The following UBE3A variants were observed in gnomAD, a reference collection of about 807,000 sequenced individuals.
The protein encoded by UBE3A is ubiquitin-protein ligase E3A.
UBE3A carries 6 observed loss-of-function variants against 83.4 expected under a neutral mutation model. The ratio of observed to expected loss-of-function variants is 0.07; its 90% CI spans 0.04 to 0.14. The LOEUF (loss-of-function observed/expected upper bound fraction) is 0.14, where lower values mean the gene tolerates loss of function less well. Among genes scored for constraint, UBE3A ranks in the 10% least tolerant of loss-of-function variants. The probability of loss-of-function intolerance (pLI) is 1.00; values close to 1 mark genes in which losing one functional copy is unlikely to be tolerated. For synonymous variants in UBE3A, 337 were observed against 355.4 expected, an observed-to-expected ratio of 0.95 and a Z score of 0.58; for missense variants, 456 against 1,036.1, an observed-to-expected ratio of 0.44 and a Z score of 7.69.
At chr15:25,437,755 G>C (rs928267325) in intron 1 of UBE3A, among the ~76,000 whole-genome samples, 1 of 152,062 alleles carries the variant, frequency 6.6e-6, no homozygotes, top group Non-Finnish European at 1.5e-5. Flanking sequence ...AAATTTTACG[G>C]ACTAAGGCAT....
intron 1 of UBE3A, among the ~76,000 whole-genome samples, chr15:25,436,062 G>C (rs1250619553): frequency 6.6e-6 from 1 of 152,126 alleles, no homozygotes; most frequent in Non-Finnish European, 1.5e-5. Flanking sequence ...AATAAGGCCA[G>C]AATTAAAATT....
At chr15:25,357,019 T>C in intron 7 of UBE3A, 123 bp from the exon 8 acceptor site, 1 of 802,554 alleles carries the variant, frequency 1.2e-6, no homozygotes. Flanking sequence ...TAATTAGGCA[T>C]GCAACATTGA....
intron 11 of UBE3A, chr15:25,354,084 A>C (rs549926384): frequency 7.6e-6 from 4 of 523,432 alleles, no homozygotes; most frequent in Non-Finnish European, 1.4e-5. Context: ...CAGTAAGCAT[A>C]CTCTAACCAG....
At chr15:25,436,969 C>G (rs188678260) in intron 1 of UBE3A, among the ~76,000 whole-genome samples, 14 of 152,286 alleles carry the variant, frequency 9.2e-5, no homozygotes, top group Admixed American at 5.2e-4. Context: ...AGTTTACATT[C>G]TAATTTTGTA....
chr15:25,404,064 A>T lies in UBE3A; in HGVS notation c.62+1397T>A, dbSNP rs190496135. Among the ~76,000 whole-genome samples the T allele has an allele frequency of 1.4e-4, 22 of 152,336 alleles. No individual in the cohort carries two copies. The East Asian group carries it at 3.9e-3, about 27-fold the overall frequency. On this transcript the variant is annotated intron_variant, in intron 4 of 12. Transcript: ENST00000648336. ...CTTAATACCATTGAGCCAAATACTT[A>T]AAAATGGTGAAATGGAAAATTTTAC...
intron 1 of UBE3A, among the ~76,000 whole-genome samples, chr15:25,424,030 T>C (rs1890598487): frequency 1.3e-5 from 2 of 152,198 alleles, no homozygotes; most frequent in Non-Finnish European, 2.9e-5. Flanking sequence ...TTTCAGTCTA[T>C]GATTAACACA....
rs772952625 is a variant in UBE3A at position 25,375,548 on chromosome 15, T to G, written c.278A>C (p.Tyr93Ser). 1 of 1,614,176 alleles carries G rather than the reference T, an allele frequency of 6.2e-7. No individual in the cohort carries two copies. The highest frequency in any genetic ancestry group is 1.3e-5 in the African/African-American group (1 of 75,040). Residue 93 changes from tyrosine (Y) to serine (S), a missense_variant, in exon 5 of 13, where the codon TAC becomes TCC. This residue lies in a region of UBE3A where 36 missense variants were observed against 28.5 expected (regional missense o/e 1.26). Coordinates refer to ENST00000648336, the MANE Select transcript of UBE3A (RefSeq NM_130839.5). ...GGGGGCACCTTTCGAGTTCTCAAGG[T>G]AAGCTGAGCTTGCTCCTTTCTTGGA... ...HPSKKGASSA[Y>S]LENSKGAPNN... is the part of the protein sequence containing the mutation.
intron 4 of UBE3A, among the ~76,000 whole-genome samples, chr15:25,398,771 T>TATATATATATA (rs2086218460): frequency 5.8e-5 from 4 of 68,952 alleles, no homozygotes; most frequent in African/African-American, 1.3e-4. Context: ...ATTCTTTTAT[T>TATATATATATA]TATATATATA....
At chr15:25,410,504 T>C (rs1320857566) in intron 2 of UBE3A, among the ~76,000 whole-genome samples, 2 of 152,260 alleles carry the variant, frequency 1.3e-5, no homozygotes, top group Middle Eastern at 3.4e-3. Flanking sequence ...ATGAGGAAAT[T>C]AGGAGGAAGA....
At chr15:25,356,944 G>A in intron 7 of UBE3A, 48 bp from the exon 8 acceptor site, 1 of 1,452,518 alleles carries the variant, frequency 6.9e-7, no homozygotes, top group Non-Finnish European at 9.6e-7. Flanking sequence ...ATTTTATTAA[G>A]GACTGATGAA....
intron 2 of UBE3A, among the ~76,000 whole-genome samples, chr15:25,410,690 T>G (rs2089810240): frequency 6.6e-6 from 1 of 152,218 alleles, no homozygotes; most frequent in Non-Finnish European, 1.5e-5. Flanking sequence ...AAAATCCAGA[T>G]TAGGTGAGGA....
At chr15:25,363,473 A>C (rs1009334160) in intron 6 of UBE3A, among the ~76,000 whole-genome samples, 5 of 152,214 alleles carry the variant, frequency 3.3e-5, no homozygotes, top group Admixed American at 2.6e-4. Flanking sequence ...ATAGCAACTA[A>C]TTTAATCTTC....
intron 3 of UBE3A, chr15:25,405,744 T>C (rs1596252543): frequency 3.7e-6 from 2 of 536,386 alleles, no homozygotes; most frequent in Admixed American, 6.5e-5. Flanking sequence ...CTGTAAACGC[T>C]ATACATAGAT....
chr15:25,378,987 G>C lies in UBE3A; in HGVS notation c.63-3224C>G, dbSNP rs1463803841. ...GGGGAATAAACCTTAACAGTTAAGA[G>C]CTCGCATTCTGAGGCCAGATGCCCA... is the stretch of plus-strand genomic sequence containing the variant. On this transcript the variant is annotated intron_variant, in intron 4 of 12. Transcript: ENST00000648336. Among the ~76,000 whole-genome samples the C allele has an allele frequency of 2.0e-5, 3 of 152,158 alleles. No individual in the cohort carries two copies. The East Asian group carries it at 5.8e-4, about 29-fold the overall frequency.
chr15:25,394,912 G>A (rs770610360), intron 4 of UBE3A, among the ~76,000 whole-genome samples: 2 of 152,124 alleles, frequency 1.3e-5, no homozygotes, highest in African/African-American at 4.8e-5. Context: ...TGGTAAAGAA[G>A]CAAAACAACA....
intron 4 of UBE3A, among the ~76,000 whole-genome samples, chr15:25,387,839 C>T (rs1200800303): frequency 6.6e-6 from 1 of 152,106 alleles, no homozygotes; most frequent in Non-Finnish European, 1.5e-5. Flanking sequence ...ATATTATGAA[C>T]AACTTTACGG....
In UBE3A at chr15:25,410,385, T is replaced by C. The variant is rs1477919775; in HGVS notation, c.-100-1178A>G. The stretch of plus-strand genomic sequence containing the variant: ...ACTGACACTGTAGTTCTGGCAAAGA[T>C]ACCATACATCTGAAATATCCCAGTA... On this transcript the variant is annotated intron_variant, in intron 2 of 12. Coordinates refer to ENST00000648336, the MANE Select transcript of UBE3A (RefSeq NM_130839.5). Among the ~76,000 whole-genome samples the C allele has an allele frequency of 2.0e-5, 3 of 152,188 alleles. No homozygotes were observed. In the East Asian group the frequency reaches 5.8e-4, roughly 29 times the overall value.
In UBE3A at chr15:25,336,423, T is replaced by C. The variant is rs1368240122; in HGVS notation, c.*2714A>G. ...GGGGCCTGAAATCTCAGAATGGTCA[T>C]GTTTTTAATGGGAATAGGGAGTGAT... is the stretch of plus-strand genomic sequence containing the variant. On this transcript the variant is annotated 3_prime_UTR_variant, in exon 13 of 13. Coordinates refer to ENST00000648336, the MANE Select transcript of UBE3A (RefSeq NM_130839.5). 3 of 152,230 alleles carry C rather than the reference T, an allele frequency of 2.0e-5. No individual in the cohort carries two copies. The highest frequency in any genetic ancestry group is 2.9e-5 in the Non-Finnish European group (2 of 68,046). 9.4% of individuals were successfully genotyped at this position (152,230 alleles called of 1,614,324 possible).
chr15:25,420,170 T>C (rs1006960660), intron 1 of UBE3A, among the ~76,000 whole-genome samples: 4 of 152,082 alleles, frequency 2.6e-5, no homozygotes, highest in Non-Finnish European at 1.5e-5. Context: ...CAAAATGATA[T>C]AATGTGCAAA....
Sources: gnomAD v4.1 joint callset for allele counts (sites outside exome capture counted in the v4.1 genomes callset) on GRCh38, gnomAD v4.1.1 for gene constraint, gnomAD v4.1.1 regional missense constraint, MANE v1.5 for transcripts, NCBI Gene and HGNC (gene_info 2026-07-23, HGNC 2026-07-21) for gene names.